SNX31: variants seen among roughly 807,000 people sequenced by gnomAD.
SNX31 encodes sorting nexin 31.
A neutral mutation model predicts 65.4 loss-of-function variants in SNX31; 58 were observed. That is an observed-to-expected ratio of 0.89 (90% CI 0.72 to 1.10). SNX31 has a LOEUF of 1.10. Among genes scored for constraint, SNX31 ranks in the 50% least tolerant of loss-of-function variants. The pLI is 0.00. For missense variants in SNX31, 523 were observed against 529.7 expected (o/e 0.99, Z 0.12); for synonymous variants, 181 against 190.1 (o/e 0.95, Z 0.39).
At chr8:100,591,918 A>C (rs1393639087) in intron 10 of SNX31, among the ~76,000 whole-genome samples, 1 of 152,204 alleles carries the variant, frequency 6.6e-6, no homozygotes, top group Non-Finnish European at 1.5e-5. Flanking sequence ...AATTCAATAA[A>C]ATGCGACATT....
chr8:100,583,396 T>C (rs1813735395), intron 12 of SNX31, among the ~76,000 whole-genome samples: 1 of 152,026 alleles, frequency 6.6e-6, no homozygotes, highest in Non-Finnish European at 1.5e-5. Context: ...TGAGCCACCA[T>C]GCCCGGCCCC....
intron 1 of SNX31, among the ~76,000 whole-genome samples, chr8:100,656,589 C>G (rs918935990): frequency 5.7e-4 from 74 of 130,746 alleles, no homozygotes; most frequent in Admixed American, 2.7e-3. Context: ...TGCAGTGAGC[C>G]GAGATAACGC....
intron 1 of SNX31, among the ~76,000 whole-genome samples, chr8:100,658,801 T>C (rs1809715597): frequency 6.6e-6 from 1 of 152,120 alleles, no homozygotes; most frequent in Non-Finnish European, 1.5e-5. Flanking sequence ...CACCATACTT[T>C]CAAGAGGTTC....
At position 100,608,561 on chromosome 8, in the gene SNX31, T is replaced by C. The variant is rs1488603872; in HGVS notation, c.614A>G (p.Tyr205Cys). The C allele has an allele frequency of 1.9e-6, 3 of 1,613,868 alleles. No individual in the cohort carries two copies. The highest frequency in any genetic ancestry group is 2.2e-5 in the East Asian group (1 of 44,872). The change falls in exon 8 of 14, where the codon TAT becomes TGT. Residue 205 changes from tyrosine (Y) to cysteine (C), a missense_variant and splice_region_variant. Physicochemically the swap from Tyr to Cys is radical, Grantham distance 194. Coordinates refer to ENST00000311812, the MANE Select transcript of SNX31 (RefSeq NM_152628.4). Reference protein sequence around the residue: ...ENCKVGLRKWYMAPSLDSVLM... With the variant: ...ENCKVGLRKWCMAPSLDSVLM... ...CACGGAGTCGAGGGATGGAGCCATA[T>C]ACCTGCAAAATTCAGGAGTGTGAAA...
chr8:100,591,764 G>A (rs768232987), intron 10 of SNX31, among the ~76,000 whole-genome samples: 4 of 152,094 alleles, frequency 2.6e-5, no homozygotes, highest in Non-Finnish European at 5.9e-5. Context: ...ACAGGGTTGA[G>A]GCTGCGGTGA....
intron 5 of SNX31, among the ~76,000 whole-genome samples, chr8:100,616,341 G>A (rs1273992547): frequency 6.6e-6 from 1 of 152,136 alleles, no homozygotes; most frequent in Non-Finnish European, 1.5e-5. Flanking sequence ...CTTTGGGGAA[G>A]GCAGGTGCTC....
At chr8:100,652,244 G>A (rs545437671), upstream of SNX31, among the ~76,000 whole-genome samples, 8 of 152,252 alleles carry the variant, frequency 5.3e-5, no homozygotes, top group African/African-American at 7.2e-5. Context: ...TCCCAAAGTC[G>A]TGGGATTACA....
rs748127281 is a variant in SNX31 at position 100,648,237 on chromosome 8, G to A, written c.141+1037C>T. On this transcript the variant is annotated intron_variant, in intron 2 of 13. Coordinates refer to ENST00000311812, the MANE Select transcript of SNX31 (RefSeq NM_152628.4). The surrounding 1 kb of genome is among the most constrained non-coding windows in gnomAD (Gnocchi z 4.3). The stretch of plus-strand genomic sequence containing the variant: ...GTATCTAACTCACTAGAAACCCAGA[G>A]ACTGTCTGAAAAAACTCTCTCAAAA... 2.0e-5 allele frequency among the ~76,000 whole-genome samples: 3 copies of A among 151,378 alleles called. No homozygotes were observed. Among genetic ancestry groups the A allele is most frequent in the Non-Finnish European group, 4.4e-5 (3 of 67,924 alleles).
intron 1 of SNX31, among the ~76,000 whole-genome samples, chr8:100,656,080 T>C (rs1820048545): frequency 6.6e-6 from 1 of 152,158 alleles, no homozygotes; most frequent in Admixed American, 6.5e-5. Flanking sequence ...CTCTGAGATA[T>C]CTGCAGCAAG....
Position 100,622,915 on chromosome 8 carries a change from C to T in SNX31, c.322-5185G>A, listed in dbSNP as rs1017056735. ...CATCAAGGGAGGTAAGAGGTTAAAG[C>T]GCCACCCAACCTGCTGCCATTGGCC... On this transcript the variant is annotated intron_variant, in intron 4 of 13. Coordinates refer to ENST00000311812, the MANE Select transcript of SNX31 (RefSeq NM_152628.4). This position sits in a 1 kb window ranked among gnomAD's most constrained non-coding sequence, Gnocchi z 5.0. Among the ~76,000 whole-genome samples, 7 of 152,244 alleles carry T rather than the reference C, an allele frequency of 4.6e-5. 1 individual carries two copies. The highest frequency in any genetic ancestry group is 2.1e-4 in the South Asian group (1 of 4,816).
Position 100,662,433 on chromosome 8 carries a change from C to G in SNX31, c.-58+709G>C, listed in dbSNP as rs1057175172. Among the ~76,000 whole-genome samples the G allele has an allele frequency of 2.6e-5, 4 of 152,338 alleles. No homozygotes were observed. The East Asian group carries it at 7.7e-4, about 29-fold the overall frequency. On this transcript the variant is annotated intron_variant, in intron 1 of 5. Transcript: ENST00000520352. ...CAATGCTGGGTCGGGCATGGTGGCT[C>G]ACGCCTGTAATCCCAGCACTTTGGG...
At chr8:100,635,040 C>T (rs578211770) in intron 3 of SNX31, among the ~76,000 whole-genome samples, 14 of 152,066 alleles carry the variant, frequency 9.2e-5, no homozygotes, top group South Asian at 6.3e-4. Context: ...ACTCCAGCCT[C>T]GTCAACAGGG....
Position 100,588,955 on chromosome 8 carries a change from G to T in SNX31, c.1003C>A (p.Pro335Thr), listed in dbSNP as rs768380541. 6.2e-7 allele frequency: 1 copy of T among 1,613,674 alleles called. No individual in the cohort carries two copies. The stretch of plus-strand genomic sequence containing the variant: ...AAGTTCTGGTTGAGAGTTCTCTGGG[G>T]CCCATCCGTATCCAGCAGAGTTCCC... ...FLGTLLDTDGPQRTLNQNLEL... is the reference protein window; with the variant it reads ...FLGTLLDTDGTQRTLNQNLEL... Residue 335 changes from proline to threonine, a missense_variant, in exon 11 of 14, where the codon CCC (proline) becomes ACC (threonine). By Grantham distance (38) the Pro-to-Thr change is conservative (BLOSUM62 -1). Coordinates refer to ENST00000311812, the MANE Select transcript of SNX31 (RefSeq NM_152628.4). This position sits in a 1 kb window ranked among gnomAD's most constrained non-coding sequence, Gnocchi z 4.8.
intron 2 of SNX31, among the ~76,000 whole-genome samples, chr8:100,639,432 G>T (rs986541380): frequency 6.6e-6 from 1 of 152,190 alleles, no homozygotes; most frequent in African/African-American, 2.4e-5. Flanking sequence ...TTCCACAGGA[G>T]TATAGGTTAA....
At position 100,656,640 on chromosome 8, in the gene SNX31, C is replaced by CAAAAAAA. The variant is rs34052612; in HGVS notation, c.-58+6495_-58+6501dup. Among the ~76,000 whole-genome samples the CAAAAAAA allele has an allele frequency of 1.2e-3, 52 of 44,608 alleles. 1 individual carries two copies. Among genetic ancestry groups the CAAAAAAA allele is most frequent in the Non-Finnish European group, 1.8e-3 (45 of 24,784 alleles). The allele number at this position is 44,608 out of a possible 152,430, so 29.3% of individuals were successfully genotyped here. On this transcript the variant is annotated intron_variant, in intron 1 of 5. Coordinates refer to the SNX31 transcript ENST00000520352. ...TGGGCAACAGAGTGAGACTCTGTCT[C>CAAAAAAA]AAAAAAAAAAAAAAAAAAAAAAAAA... is the stretch of plus-strand genomic sequence containing the variant.
At position 100,604,318 on chromosome 8, in the gene SNX31, A is replaced by G. The variant is rs980358602; in HGVS notation, c.682-3877T>C. ...AAAATCAAGCAAAATCACATAAGCC[A>G]TAGTCTTCCTGACCTTCAGTCTCAC... On this transcript the variant is annotated intron_variant, in intron 8 of 13. Transcript: ENST00000311812. The surrounding 1 kb of genome is among the most constrained non-coding windows in gnomAD (Gnocchi z 4.3). 6.6e-6 allele frequency among the ~76,000 whole-genome samples: 1 copy of G among 152,264 alleles called. No homozygotes were observed. Among genetic ancestry groups the G allele is most frequent in the African/African-American group, 2.4e-5 (1 of 41,474 alleles).
intron 10 of SNX31, among the ~76,000 whole-genome samples, chr8:100,595,399 C>T (rs1814988182): frequency 1.3e-5 from 2 of 151,418 alleles, no homozygotes; most frequent in African/African-American, 2.4e-5. Flanking sequence ...GGCTCTGCCT[C>T]CCAGGCTCAA....
chr8:100,648,275 C>CAAAT lies in SNX31; in HGVS notation c.141+998_141+999insATTT, dbSNP rs554191552. Among the ~76,000 whole-genome samples the CAAAT allele has an allele frequency of 1.3e-4, 19 of 150,256 alleles. No individual in the cohort carries two copies. The highest frequency in any genetic ancestry group is 4.6e-4 in the African/African-American group (19 of 40,920). ...AACTCTCTCAAAACAAGCAAACAAACAAAAACAGCTGTTACCTCTGGGAAA... is the reference window on the plus strand; with the variant it reads ...AACTCTCTCAAAACAAGCAAACAAACAAATAAAAACAGCTGTTACCTCTGGGAAA... On this transcript the variant is annotated intron_variant, in intron 2 of 13. Transcript: ENST00000311812. The surrounding 1 kb of genome is among the most constrained non-coding windows in gnomAD (Gnocchi z 4.3).
At chr8:100,653,276 T>C (rs116752639), upstream of SNX31, among the ~76,000 whole-genome samples, 1,344 of 152,264 alleles carry the variant, frequency 8.8e-3, 22 homozygotes, top group African/African-American at 0.031. Context: ...ATCACACCAG[T>C]GGTTCTAAAA....
Sources: gnomAD v4.1 joint callset for allele counts (sites outside exome capture counted in the v4.1 genomes callset) on GRCh38, gnomAD v4.1.1 for gene constraint, Gnocchi (gnomAD v3.1) non-coding constraint, MANE v1.5 for transcripts, NCBI Gene and HGNC (gene_info 2026-07-23, HGNC 2026-07-21) for gene names.